Variants in ASB18 observed in about 807,000 individuals in gnomAD.
The protein encoded by ASB18 is ankyrin repeat and SOCS box protein 18.
A neutral mutation model predicts 33.4 loss-of-function variants in ASB18; 33 were observed. The observed-to-expected ratio is 0.99, with a 90% CI of 0.75 to 1.32. The LOEUF (loss-of-function observed/expected upper bound fraction) is 1.32. Among genes scored for constraint, ASB18 ranks in the 40% most tolerant of loss-of-function variants. The pLI is 0.00. For missense variants in ASB18, 694 were observed against 655.5 expected (o/e 1.06, Z -0.64); for synonymous variants, 295 against 307.6 (o/e 0.96, Z 0.43).
rs767773496 is a variant in ASB18, at chr2:236,237,708, G to GGCAGAGGT, written c.569_576dup (p.Arg193ThrfsTer67). ...CCTTACCCGAGCGAGGCGGCCGTGCGGCAGAGGTGCAGAGGCGCCAGGCCC... is the reference window on the plus strand; with the variant it reads ...CCTTACCCGAGCGAGGCGGCCGTGCGGCAGAGGTGCAGAGGTGCAGAGGCGCCAGGCCC... On this transcript the variant is annotated frameshift_variant, in exon 3 of 6. Transcript: ENST00000409749. LOFTEE classifies it high-confidence loss of function. This position sits in a 1 kb window ranked among gnomAD's most constrained non-coding sequence, Gnocchi z 6.2. The GGCAGAGGT allele has an allele frequency of 3.5e-5, 51 of 1,457,168 alleles. No individual in the cohort carries two copies. Among genetic ancestry groups the GGCAGAGGT allele is most frequent in the Non-Finnish European group, 1.3e-5 (14 of 1,110,794 alleles). The allele number at this position is 1,457,168 out of a possible 1,614,324, so 90.3% of individuals were successfully genotyped here. A position where few individuals can be genotyped will look rare whatever the true frequency, so the allele number is the denominator to read the frequency against.
chr2:236,241,183 G>GC lies in ASB18; in HGVS notation c.328+96dup. On this transcript the variant is annotated intron_variant, in intron 2 of 5. Coordinates refer to ENST00000409749, the MANE Select transcript of ASB18 (RefSeq NM_212556.4). The surrounding 1 kb of genome is among the most constrained non-coding windows in gnomAD (Gnocchi z 4.2). ...TTTTCTTGTGTACGTTAAACCCAGT[G>GC]CCACTGTGCCCAGTCTACACACGGG... 1 of 1,227,322 alleles carries GC rather than the reference G, an allele frequency of 8.1e-7. No homozygotes were observed. Among genetic ancestry groups the GC allele is most frequent in the Admixed American group, 1.9e-5 (1 of 52,552 alleles). The allele number at this position is 1,227,322 out of a possible 1,614,324, so 76.0% of individuals were successfully genotyped here. A position where few individuals can be genotyped will look rare whatever the true frequency, so the allele number is the denominator to read the frequency against.
At position 236,220,916 on chromosome 2, in the gene ASB18, G is replaced by C. The variant is rs563998511; in HGVS notation, c.597-6050C>G. Among the ~76,000 whole-genome samples the C allele has an allele frequency of 3.3e-5, 5 of 152,230 alleles. No individual in the cohort carries two copies. Among genetic ancestry groups the C allele is most frequent in the African/African-American group, 7.2e-5 (3 of 41,518 alleles). ...TCTTATCACTCCACAGGAATTCCTG[G>C]ACAGACTCACCGACAGGACACTGAA... On this transcript the variant is annotated intron_variant, in intron 3 of 5. Transcript: ENST00000409749. The surrounding 1 kb of genome is among the most constrained non-coding windows in gnomAD (Gnocchi z 5.1).
At chr2:236,232,288 T>A (rs1458315688) in intron 3 of ASB18, among the ~76,000 whole-genome samples, 1 of 151,004 alleles carries the variant, frequency 6.6e-6, no homozygotes, top group Admixed American at 6.6e-5. Flanking sequence ...AATTAGAAAG[T>A]ATTTAAAACT....
At position 236,219,844 on chromosome 2, in the gene ASB18, C is replaced by A. The variant is rs2060503002; in HGVS notation, c.597-4978G>T. On this transcript the variant is annotated intron_variant, in intron 3 of 5. Transcript: ENST00000409749. This position sits in a 1 kb window ranked among gnomAD's most constrained non-coding sequence, Gnocchi z 6.4. ...GATAGAAAGGCAAAAGTCAGAAAGG[C>A]CTGGGGTCAGGGTAGAACAGTCACC... is the stretch of plus-strand genomic sequence containing the variant. Among the ~76,000 whole-genome samples the A allele has an allele frequency of 6.6e-6, 1 of 152,124 alleles. No individual in the cohort carries two copies. The highest frequency in any genetic ancestry group is 2.4e-5 in the African/African-American group (1 of 41,408).
rs2060363059 is a variant in ASB18, at chr2:236,194,785, CCATCTG to C, written c.*81_*86del. 2.5e-6 allele frequency: 3 copies of C among 1,190,204 alleles called. No individual in the cohort carries two copies. The highest frequency in any genetic ancestry group is 3.6e-6 in the Non-Finnish European group (3 of 844,768). 73.7% of individuals were successfully genotyped at this position (1,190,204 alleles called of 1,614,324 possible). A position where few individuals can be genotyped will look rare whatever the true frequency, so the allele number is the denominator to read the frequency against. The stretch of plus-strand genomic sequence containing the variant: ...AGTGGGAAGGGAACTCCCATCACCT[CCATCTG>C]CATCAGGGCACTCTCCAACACACGG... On this transcript the variant is annotated 3_prime_UTR_variant, in exon 6 of 6. Coordinates refer to ENST00000409749, the MANE Select transcript of ASB18 (RefSeq NM_212556.4). This position sits in a 1 kb window ranked among gnomAD's most constrained non-coding sequence, Gnocchi z 4.5.
rs574081082 is a variant in ASB18 at position 236,217,399 on chromosome 2, C to T, written c.597-2533G>A. 6.3e-5 allele frequency among the ~76,000 whole-genome samples: 9 copies of T among 142,844 alleles called. No individual in the cohort carries two copies. Among genetic ancestry groups the T allele is most frequent in the African/African-American group, 2.0e-4 (7 of 35,478 alleles). 93.7% of individuals were successfully genotyped at this position (142,844 alleles called of 152,430 possible). A position where few individuals can be genotyped will look rare whatever the true frequency, so the allele number is the denominator to read the frequency against. On this transcript the variant is annotated intron_variant, in intron 3 of 5. Transcript: ENST00000409749. This position sits in a 1 kb window ranked among gnomAD's most constrained non-coding sequence, Gnocchi z 5.2. ...TCCATCCAGCCTGGGGGCAACAGAG[C>T]GAGACTCTGTCTCAAAAAAAAAAAA... is the stretch of plus-strand genomic sequence containing the variant.
In ASB18 at chr2:236,237,531, G is replaced by C. The variant is rs2060600181; in HGVS notation, c.596+158C>G. 6.6e-6 allele frequency among the ~76,000 whole-genome samples: 1 copy of C among 151,058 alleles called. No individual in the cohort carries two copies. The highest frequency in any genetic ancestry group is 2.0e-4 in the East Asian group (1 of 5,074). On this transcript the variant is annotated intron_variant, in intron 3 of 5. Transcript: ENST00000409749. This position sits in a 1 kb window ranked among gnomAD's most constrained non-coding sequence, Gnocchi z 6.2. ...CGGGGTAGGGACGGGGCGGATGCGG[G>C]TCTGGGGATCCAGTGGGCAGAGTCA...
rs190018264 is a variant in ASB18, at chr2:236,198,352, T to G, written c.1102-1967A>C. ...TTCCATGCAGAATAGATTGTGAATC[T>G]ATTTACAAGCAATTATCCTTTTTTC... On this transcript the variant is annotated intron_variant, in intron 4 of 5. Coordinates refer to ENST00000409749, the MANE Select transcript of ASB18 (RefSeq NM_212556.4). 1.9e-3 allele frequency among the ~76,000 whole-genome samples: 297 copies of G among 152,328 alleles called. 2 individuals carry two copies. The highest frequency in any genetic ancestry group is 6.6e-3 in the African/African-American group (275 of 41,580).
chr2:236,210,043 T>C (rs1277155060), intron 4 of ASB18, among the ~76,000 whole-genome samples: 2 of 152,210 alleles, frequency 1.3e-5, no homozygotes, highest in South Asian at 4.1e-4. Flanking sequence ...TTCTGTGCTT[T>C]CAAGGTGAAG....
At chr2:236,261,099 C>T (rs2060714916) in intron 1 of ASB18, among the ~76,000 whole-genome samples, 1 of 152,180 alleles carries the variant, frequency 6.6e-6, no homozygotes, top group Admixed American at 6.5e-5. Context: ...CTCTATTCAT[C>T]ACCACAACCT....
At chr2:236,243,423 A>G (rs1001480456) in intron 1 of ASB18, among the ~76,000 whole-genome samples, 8 of 151,524 alleles carry the variant, frequency 5.3e-5, no homozygotes, top group Admixed American at 1.3e-4. Context: ...TTTCCCATCC[A>G]TGTTCTCTGT....
chr2:236,264,315 G>T lies in ASB18; in HGVS notation c.31C>A (p.Pro11Thr). The T allele has an allele frequency of 6.2e-7, 1 of 1,613,994 alleles. No individual in the cohort carries two copies. The highest frequency in any genetic ancestry group is 8.5e-7 in the Non-Finnish European group (1 of 1,179,890). Residue 11 changes from proline to threonine, a missense_variant, in exon 1 of 6, where the codon CCA (proline) becomes ACA (threonine). Transcript: ENST00000409749. The surrounding 1 kb of genome is among the most constrained non-coding windows in gnomAD (Gnocchi z 5.1). ...CTCTTCACTAAATCTGAGTTGAGTGGGTAGTCGGGAAGGTAATCCGAGTTG... is the reference window on the plus strand; with the variant it reads ...CTCTTCACTAAATCTGAGTTGAGTGTGTAGTCGGGAAGGTAATCCGAGTTG... MSNSDYLPDY[P>T]LNSDLVKRLK...
intron 4 of ASB18, among the ~76,000 whole-genome samples, chr2:236,210,905 C>T (rs925026028): frequency 1.5e-4 from 23 of 152,206 alleles, no homozygotes; most frequent in African/African-American, 5.3e-4. Flanking sequence ...TCTTCCCACA[C>T]GCTTTGATGC....
chr2:236,230,146 C>T (rs1345883270), intron 3 of ASB18, among the ~76,000 whole-genome samples: 1 of 151,178 alleles, frequency 6.6e-6, no homozygotes, highest in African/African-American at 2.4e-5. Flanking sequence ...GTAGATTTCT[C>T]ATTTTAAAAA....
rs567367538 is a variant in ASB18, at chr2:236,253,473, C to A, written c.205+10668G>T. On this transcript the variant is annotated intron_variant, in intron 1 of 5. Coordinates refer to ENST00000409749, the MANE Select transcript of ASB18 (RefSeq NM_212556.4). The surrounding 1 kb of genome is among the most constrained non-coding windows in gnomAD (Gnocchi z 5.4). The stretch of plus-strand genomic sequence containing the variant: ...GCTCACTGTAACCTGAACTCCTGGG[C>A]GCAAGCGATCCTTCCACCTCAGTCT... Among the ~76,000 whole-genome samples the A allele has an allele frequency of 6.6e-6, 1 of 152,070 alleles. No homozygotes were observed. Among genetic ancestry groups the A allele is most frequent in the Non-Finnish European group, 1.5e-5 (1 of 68,022 alleles).
In ASB18 at chr2:236,244,853, T is replaced by C. The variant is rs1373951975; in HGVS notation, c.206-3451A>G. 6.6e-6 allele frequency among the ~76,000 whole-genome samples: 1 copy of C among 152,248 alleles called. No homozygotes were observed. The highest frequency in any genetic ancestry group is 1.5e-5 in the Non-Finnish European group (1 of 68,044). On this transcript the variant is annotated intron_variant, in intron 1 of 5. Coordinates refer to ENST00000409749, the MANE Select transcript of ASB18 (RefSeq NM_212556.4). The surrounding 1 kb of genome is among the most constrained non-coding windows in gnomAD (Gnocchi z 6.1). ...TATAGATGTGTTTTGACCCTTGTTG[T>C]AGAACCCTTGTTCTGACCCCTGTTA... is the stretch of plus-strand genomic sequence containing the variant.
At position 236,238,098 on chromosome 2, in the gene ASB18, T is replaced by C. The variant is rs1025954978; in HGVS notation, c.329-142A>G. On this transcript the variant is annotated intron_variant, in intron 2 of 5. Coordinates refer to ENST00000409749, the MANE Select transcript of ASB18 (RefSeq NM_212556.4). The surrounding 1 kb of genome is among the most constrained non-coding windows in gnomAD (Gnocchi z 5.2). ...GGCATGTAGGGAGAAGAGGATAGAA[T>C]CAGAGACGCACACAGAGACAGAGAG... 156 of 494,024 alleles carry C rather than the reference T, an allele frequency of 3.2e-4. No individual in the cohort carries two copies. The highest frequency in any genetic ancestry group is 4.5e-4 in the Non-Finnish European group (138 of 303,590). 30.6% of individuals were successfully genotyped at this position (494,024 alleles called of 1,614,324 possible).
Position 236,196,216 on chromosome 2 carries a change from A to G in ASB18, c.1215+56T>C. On this transcript the variant is annotated intron_variant, in intron 5 of 5. Transcript: ENST00000409749. This position sits in a 1 kb window ranked among gnomAD's most constrained non-coding sequence, Gnocchi z 5.6. ...CAGTGCAAAACTCCCCATGCAAAGA[A>G]GCAAAAACAGACAAAAGTTTTGTAC... is the stretch of plus-strand genomic sequence containing the variant. 1 of 948,230 alleles carries G rather than the reference A, an allele frequency of 1.1e-6. No homozygotes were observed. Among genetic ancestry groups the G allele is most frequent in the Non-Finnish European group, 1.7e-6 (1 of 595,402 alleles). The allele number at this position is 948,230 out of a possible 1,614,324, so 58.7% of individuals were successfully genotyped here. A position where few individuals can be genotyped will look rare whatever the true frequency, so the allele number is the denominator to read the frequency against.
At position 236,247,434 on chromosome 2, in the gene ASB18, G is replaced by A. The variant is rs141017895; in HGVS notation, c.206-6032C>T. On this transcript the variant is annotated intron_variant, in intron 1 of 5. Coordinates refer to ENST00000409749, the MANE Select transcript of ASB18 (RefSeq NM_212556.4). ...CCCTGCCTGCAAGGATCAAACAGGA[G>A]AAAGCAAGGAGCGGAGGACTCCAGA... is the stretch of plus-strand genomic sequence containing the variant. 7 of 152,306 alleles carry A rather than the reference G, an allele frequency of 4.6e-5. No individual in the cohort carries two copies. The East Asian group carries it at 9.7e-4, about 21-fold the overall frequency. The allele number at this position is 152,306 out of a possible 1,614,324, so 9.4% of individuals were successfully genotyped here.
Sources: allele counts gnomAD v4.1 joint callset (sites outside exome capture counted in the v4.1 genomes callset), GRCh38; gene constraint gnomAD v4.1.1; non-coding constraint Gnocchi (gnomAD v3.1); transcripts MANE v1.5; gene names NCBI Gene and HGNC (gene_info 2026-07-23, HGNC 2026-07-21).